The following PDE10A variants were observed in gnomAD, a reference collection of about 807,000 sequenced individuals.
The protein encoded by PDE10A is cAMP and cAMP-inhibited cGMP 3',5'-cyclic phosphodiesterase 10A.
A neutral mutation model predicts 97.7 loss-of-function variants in PDE10A; 39 were observed. The observed-to-expected ratio is 0.40, with a 90% CI of 0.31 to 0.52. The LOEUF is 0.52. Among genes scored for constraint, PDE10A ranks in the 20% least tolerant of loss-of-function variants. The pLI, the probability that PDE10A is intolerant of heterozygous loss-of-function variation, is 0.56. For synonymous variants in PDE10A, 371 were observed against 376.8 expected (o/e 0.98, Z 0.18); for missense variants, 731 against 1,047.8 (o/e 0.70, Z 4.17).
chr6:165,425,794 T>C (rs997977519), intron 10 of PDE10A, among the ~76,000 whole-genome samples: 4 of 151,756 alleles, frequency 2.6e-5, no homozygotes, highest in Non-Finnish European at 5.9e-5. Context: ...TGTGTGTGTG[T>C]GTGTGTATGT....
At chr6:165,742,161 A>G (rs1256470358) in intron 1 of PDE10A, among the ~76,000 whole-genome samples, 9 of 152,172 alleles carry the variant, frequency 5.9e-5, no homozygotes, top group Admixed American at 5.9e-4. Flanking sequence ...ACTGAGGCTC[A>G]GAGAATTATG....
intron 1 of PDE10A, among the ~76,000 whole-genome samples, chr6:165,954,408 A>G (rs1016958242): frequency 6.6e-6 from 1 of 152,236 alleles, no homozygotes; most frequent in African/African-American, 2.4e-5. Context: ...ACACACTCAC[A>G]TGGACACTTG....
At chr6:165,525,768 G>C (rs1339146499) in intron 2 of PDE10A, among the ~76,000 whole-genome samples, 1 of 152,166 alleles carries the variant, frequency 6.6e-6, no homozygotes, top group Non-Finnish European at 1.5e-5. Flanking sequence ...AGTGGGTGTA[G>C]ATACTATAAT....
intron 1 of PDE10A, among the ~76,000 whole-genome samples, chr6:165,628,577 C>T (rs953913834): frequency 3.4e-5 from 5 of 145,606 alleles, no homozygotes; most frequent in Admixed American, 6.7e-5. Context: ...AGGCTCGCCT[C>T]AAGTGATTCT....
intron 1 of PDE10A, among the ~76,000 whole-genome samples, chr6:165,693,408 G>A (rs1218241431): frequency 1.3e-5 from 2 of 151,434 alleles, no homozygotes; most frequent in African/African-American, 4.9e-5. Flanking sequence ...GTGGATGCCT[G>A]TAGTCTCATC....
At chr6:165,654,015 T>C (rs976151650) in intron 1 of PDE10A, among the ~76,000 whole-genome samples, 1 of 152,084 alleles carries the variant, frequency 6.6e-6, no homozygotes, top group African/African-American at 2.4e-5. Flanking sequence ...GCTCCACATA[T>C]CAAATACTCT....
intron 1 of PDE10A, among the ~76,000 whole-genome samples, chr6:165,688,128 A>T (rs1009623099): frequency 2.6e-5 from 4 of 152,226 alleles, no homozygotes; most frequent in African/African-American, 9.6e-5. Flanking sequence ...TTCCTATGGT[A>T]AAAGGGAGAA....
At chr6:165,474,565 C>G (rs221723) in intron 3 of PDE10A, among the ~76,000 whole-genome samples, 1 of 151,854 alleles carries the variant, frequency 6.6e-6, no homozygotes, top group African/African-American at 2.4e-5. Flanking sequence ...GGGTGATGAA[C>G]TAATCTTTAC....
At chr6:165,731,383 AGAC>A (rs1792433048) in intron 1 of PDE10A, among the ~76,000 whole-genome samples, 2 of 152,194 alleles carry the variant, frequency 1.3e-5, no homozygotes, top group Non-Finnish European at 2.9e-5. Flanking sequence ...TGGGTGGAGA[AGAC>A]GACAACTGAA....
At chr6:165,786,853 T>C (rs1279225579) in intron 1 of PDE10A, among the ~76,000 whole-genome samples, 1 of 152,250 alleles carries the variant, frequency 6.6e-6, no homozygotes, top group African/African-American at 2.4e-5. Context: ...TTTTTTGATA[T>C]GTACTAATGA....
chr6:165,413,411 G>GAAA (rs11296579), intron 13 of PDE10A, 90 bp downstream of exon 13: 1,693 of 375,544 alleles, frequency 4.5e-3, no homozygotes, highest in Middle Eastern at 7.2e-3. Flanking sequence ...AAATATAAAT[G>GAAA]AAAAAAAAAA....
At chr6:165,909,263 G>A (rs908788236) in intron 1 of PDE10A, among the ~76,000 whole-genome samples, 1 of 152,186 alleles carries the variant, frequency 6.6e-6, no homozygotes, top group African/African-American at 2.4e-5. Flanking sequence ...CCACACAAAG[G>A]AAGAAAGGAG....
chr6:165,767,345 A>G (rs1019162924), intron 1 of PDE10A, among the ~76,000 whole-genome samples: 3 of 152,220 alleles, frequency 2.0e-5, no homozygotes, highest in African/African-American at 7.2e-5. Context: ...GGTTTTTAGT[A>G]TCTTCACAAG....
At chr6:165,864,066 C>G (rs1168939054) in intron 1 of PDE10A, among the ~76,000 whole-genome samples, 1 of 152,126 alleles carries the variant, frequency 6.6e-6, no homozygotes, top group Non-Finnish European at 1.5e-5. Flanking sequence ...GTAACCTGCC[C>G]AAGGACCCTG....
chr6:165,598,274 A>C (rs1381731598), intron 1 of PDE10A, among the ~76,000 whole-genome samples: 2 of 147,296 alleles, frequency 1.4e-5, no homozygotes, highest in African/African-American at 5.2e-5. Flanking sequence ...TTTTCTTCTT[A>C]TTAACAGATC....
At chr6:165,985,098 G>A (rs1261555615) in intron 1 of PDE10A, among the ~76,000 whole-genome samples, 2 of 152,236 alleles carry the variant, frequency 1.3e-5, no homozygotes, top group Admixed American at 1.3e-4. Context: ...ACAGAGCTGG[G>A]CTGCAGGAAG....
chr6:165,588,196 T>C (rs1436896688), intron 1 of PDE10A, among the ~76,000 whole-genome samples: 1 of 151,950 alleles, frequency 6.6e-6, no homozygotes, highest in Non-Finnish European at 1.5e-5. Context: ...TACTCTCCTT[T>C]CCCATCTTAA....
intron 1 of PDE10A, among the ~76,000 whole-genome samples, chr6:165,817,668 C>T (rs778732143): frequency 1.8e-4 from 27 of 152,106 alleles, no homozygotes; most frequent in Admixed American, 3.3e-4. Flanking sequence ...TCATGTGAGC[C>T]GAGCAGGGTG....
intron 1 of PDE10A, among the ~76,000 whole-genome samples, chr6:165,727,959 G>T (rs542026487): frequency 2.6e-5 from 4 of 152,196 alleles, no homozygotes; most frequent in African/African-American, 9.6e-5. Context: ...GTTGTGTTTT[G>T]TTTTTTTATT....
Sources: gnomAD v4.1 joint callset for allele counts (sites outside exome capture counted in the v4.1 genomes callset) on GRCh38, gnomAD v4.1.1 for gene constraint, MANE v1.5 for transcripts, NCBI Gene and HGNC (gene_info 2026-07-23, HGNC 2026-07-21) for gene names.